PARL: variants seen among roughly 807,000 people sequenced by gnomAD.
The protein encoded by PARL is presenilin associated rhomboid like, also known as presenilin-associated rhomboid-like protein, mitochondrial.
Under a neutral mutation model 51.6 loss-of-function variants are expected in PARL, and 44 were observed. The ratio of observed to expected loss-of-function variants is 0.85; its 90% CI spans 0.67 to 1.10. The LOEUF is 1.10. PARL is among the 50% of genes least tolerant of loss of function. PARL has a pLI of 0.00. For synonymous variants in PARL, 172 were observed against 164.0 expected (o/e 1.05, Z -0.37); for missense variants, 441 against 469.5 (o/e 0.94, Z 0.56).
At chr3:183,844,162 C>T (rs1447646976) in intron 5 of PARL, 69 bp downstream of exon 5, 1 of 1,080,060 alleles carries the variant, frequency 9.3e-7, no homozygotes, top group African/African-American at 1.5e-5. Flanking sequence ...TACAGCACTT[C>T]CATTAACTAA....
rs754830681 is a variant in PARL, at chr3:183,879,701, G to C, written c.125+5021C>G. On this transcript the variant is annotated intron_variant, in intron 1 of 9. Transcript: ENST00000317096. ...AAGGTACATTTTCTCTTTTTAATGA[G>C]CTTTCATTTTAAATTTCCTTTTTTT... is the stretch of plus-strand genomic sequence containing the variant. 4.1e-6 allele frequency: 4 copies of C among 973,306 alleles called. No homozygotes were observed. In the Admixed American group the frequency reaches 1.9e-4, roughly 45 times the overall value. The allele number at this position is 973,306 out of a possible 1,614,324, so 60.3% of individuals were successfully genotyped here. A position where few individuals can be genotyped will look rare whatever the true frequency, so the allele number is the denominator to read the frequency against.
intron 1 of PARL, among the ~76,000 whole-genome samples, chr3:183,876,563 T>C (rs1733830343): frequency 7.0e-6 from 1 of 143,232 alleles, no homozygotes; most frequent in Non-Finnish European, 1.5e-5. Flanking sequence ...GTCTTATTAT[T>C]TAAGAAATAT....
downstream of PARL, among the ~76,000 whole-genome samples, chr3:183,828,113 G>A (rs1727562294): frequency 6.6e-6 from 1 of 152,248 alleles, no homozygotes; most frequent in African/African-American, 2.4e-5. Flanking sequence ...CCACAGCCAG[G>A]TTCTGGCCTC....
intron 1 of PARL, among the ~76,000 whole-genome samples, chr3:183,870,981 TC>T (rs1006267232): frequency 6.6e-6 from 1 of 152,156 alleles, no homozygotes; most frequent in Non-Finnish European, 1.5e-5. Context: ...CTTCTAGAGT[TC>T]CAAAGCAGTT....
intron 4 of PARL, among the ~76,000 whole-genome samples, chr3:183,852,779 A>C (rs1157931061): frequency 6.6e-6 from 1 of 152,192 alleles, no homozygotes; most frequent in Non-Finnish European, 1.5e-5. Context: ...AAAAAATACA[A>C]AAAAAATTGT....
chr3:183,859,620 T>A (rs1731575843), intron 4 of PARL, among the ~76,000 whole-genome samples: 1 of 152,144 alleles, frequency 6.6e-6, no homozygotes, highest in African/African-American at 2.4e-5. Context: ...ATTACAGGCA[T>A]GAGCCACTGC....
At chr3:183,828,308 C>G (rs930927449), downstream of PARL, among the ~76,000 whole-genome samples, 2 of 152,244 alleles carry the variant, frequency 1.3e-5, no homozygotes, top group African/African-American at 4.8e-5. Flanking sequence ...TCCCTATGAA[C>G]TCAGCCTCCT....
At chr3:183,867,420 G>T (rs1732621434) in intron 2 of PARL, among the ~76,000 whole-genome samples, 1 of 151,978 alleles carries the variant, frequency 6.6e-6, no homozygotes, top group Non-Finnish European at 1.5e-5. Flanking sequence ...CAGACTCTAG[G>T]CCGGGCGCAG....
At position 183,838,629 on chromosome 3, in the gene PARL, T is replaced by C. The variant is rs375252393; in HGVS notation, c.828+1941A>G. Among the ~76,000 whole-genome samples the C allele has an allele frequency of 2.6e-5, 4 of 152,256 alleles. No individual in the cohort carries two copies. The East Asian group carries it at 7.7e-4, about 29-fold the overall frequency. ...ATGTACTTGCTTTGCACCTCAGAAA[T>C]AGATGGTGTTATCCCCATTTTATAA... is the stretch of plus-strand genomic sequence containing the variant. On this transcript the variant is annotated intron_variant, in intron 7 of 9. Transcript: ENST00000317096.
intron 1 of PARL, among the ~76,000 whole-genome samples, chr3:183,879,418 G>C (rs1357541603): frequency 6.6e-6 from 1 of 152,160 alleles, no homozygotes; most frequent in Non-Finnish European, 1.5e-5. Flanking sequence ...GCTGCTGGCA[G>C]CCATCTTATA....
intron 4 of PARL, 66 bp downstream of exon 4, chr3:183,862,687 C>A: frequency 8.2e-7 from 1 of 1,221,982 alleles, no homozygotes; most frequent in Non-Finnish European, 1.2e-6. Context: ...TTGCTTGTGA[C>A]ATACTGTACC....
chr3:183,843,203 G>A (rs546941974), intron 5 of PARL: 268 of 984,634 alleles, frequency 2.7e-4, no homozygotes, highest in Non-Finnish European at 3.1e-4. Context: ...ATTTTTAAAA[G>A]TGACAAAAAG....
chr3:183,829,440 T>G lies in PARL; in HGVS notation c.*158A>C. 6.3e-7 allele frequency: 1 copy of G among 1,586,294 alleles called. No homozygotes were observed. ...TTCACAACTTTATCATCATTCACAT[T>G]CTAAAAAGACACGGACTGGGGGACA... is the stretch of plus-strand genomic sequence containing the variant. On this transcript the variant is annotated 3_prime_UTR_variant, in exon 10 of 10. Coordinates refer to ENST00000317096, the MANE Select transcript of PARL (RefSeq NM_018622.7).
chr3:183,861,503 G>A (rs190011087), intron 4 of PARL, among the ~76,000 whole-genome samples: 1 of 152,158 alleles, frequency 6.6e-6, no homozygotes, highest in African/African-American at 2.4e-5. Flanking sequence ...ACTTCCTAAA[G>A]GAAGCAATGT....
chr3:183,835,318 C>T (rs1434147132), intron 7 of PARL, among the ~76,000 whole-genome samples: 8 of 152,064 alleles, frequency 5.3e-5, no homozygotes, highest in Admixed American at 1.3e-4. Flanking sequence ...TTCTATGTGA[C>T]GGGTTGCTTC....
intron 1 of PARL, among the ~76,000 whole-genome samples, chr3:183,880,521 C>T (rs1293035366): frequency 6.6e-6 from 1 of 152,072 alleles, no homozygotes; most frequent in African/African-American, 2.4e-5. Flanking sequence ...CCTTCCTCAG[C>T]CTCCCAAGTA....
chr3:183,882,416 TAGAGAG>T (rs146955187), intron 1 of PARL, among the ~76,000 whole-genome samples: 180 of 104,468 alleles, frequency 1.7e-3, no homozygotes, highest in East Asian at 7.7e-3. Flanking sequence ...CACATATATA[TAGAGAG>T]AGAGAGAGAG....
intron 7 of PARL, 85 bp from the exon 8 acceptor site, chr3:183,833,910 T>C (rs896378255): frequency 3.4e-6 from 3 of 874,380 alleles, no homozygotes; most frequent in Non-Finnish European, 5.9e-6. Flanking sequence ...GCACATTTTC[T>C]AGAAAGTTTA....
chr3:183,868,843 A>G (rs1732840457), intron 1 of PARL, among the ~76,000 whole-genome samples: 1 of 152,190 alleles, frequency 6.6e-6, no homozygotes, highest in South Asian at 2.1e-4. Context: ...AGTATTGCCC[A>G]TTATAAATTA....
Sources: allele counts gnomAD v4.1 joint callset (sites outside exome capture counted in the v4.1 genomes callset), GRCh38; gene constraint gnomAD v4.1.1; transcripts MANE v1.5; gene names NCBI Gene and HGNC (gene_info 2026-07-23, HGNC 2026-07-21).